TCF4: variants seen among roughly 807,000 people sequenced by gnomAD.
TCF4 encodes the protein transcription factor 4, also known as SL3-3 enhancer factor 2.
Under a neutral mutation model 82.1 loss-of-function variants are expected in TCF4, and 3 were observed. The ratio of observed to expected loss-of-function variants is 0.04; its 90% CI spans 0.02 to 0.09. The LOEUF is 0.09. TCF4 is among the 10% of genes least tolerant of loss of function. The probability of loss-of-function intolerance (pLI) is 1.00; values close to 1 mark genes in which losing one functional copy is unlikely to be tolerated. For missense variants in TCF4, 518 were observed against 852.7 expected (o/e 0.61, Z 4.89); for synonymous variants, 276 against 309.6 (o/e 0.89, Z 1.14).
At chr18:55,280,632 T>C (rs2062397414) in intron 8 of TCF4, among the ~76,000 whole-genome samples, 1 of 152,050 alleles carries the variant, frequency 6.6e-6, no homozygotes, top group Admixed American at 6.6e-5. Flanking sequence ...TTGATGAAAA[T>C]GGATACCTTC....
At chr18:55,470,070 G>A (rs2096139149) in intron 3 of TCF4, among the ~76,000 whole-genome samples, 2 of 152,114 alleles carry the variant, frequency 1.3e-5, no homozygotes, top group Non-Finnish European at 1.5e-5. Context: ...GAACAGAAGT[G>A]AAAACCCAAG....
intron 3 of TCF4, among the ~76,000 whole-genome samples, chr18:55,565,061 G>A (rs2097391154): frequency 6.6e-6 from 1 of 152,176 alleles, no homozygotes. Flanking sequence ...AACACTAGGA[G>A]AGGAAACTGT....
intron 3 of TCF4, chr18:55,510,658 T>C: frequency 6.7e-7 from 1 of 1,494,222 alleles, no homozygotes; most frequent in South Asian, 1.3e-5. Flanking sequence ...AAAATACTAC[T>C]TCGTAAACTT....
intron 6 of TCF4, among the ~76,000 whole-genome samples, chr18:55,369,321 C>A (rs1433378557): frequency 6.6e-6 from 1 of 152,172 alleles, no homozygotes; most frequent in Non-Finnish European, 1.5e-5. Context: ...CATTTTGTCT[C>A]TTTCTCAGTG....
intron 6 of TCF4, 37 bp from the exon 7 acceptor site, chr18:55,351,040 T>C: frequency 1.2e-6 from 2 of 1,612,358 alleles, no homozygotes; most frequent in East Asian, 4.5e-5. Flanking sequence ...CATATAAGGT[T>C]AATTTTTTAC....
At chr18:55,413,700 G>A (rs1397698564) in intron 5 of TCF4, among the ~76,000 whole-genome samples, 3 of 152,090 alleles carry the variant, frequency 2.0e-5, no homozygotes, top group Non-Finnish European at 4.4e-5. Flanking sequence ...GAGAGGCAGA[G>A]GGAAGGATGA....
chr18:55,394,234 C>A (rs2093351915), intron 6 of TCF4, among the ~76,000 whole-genome samples: 1 of 152,198 alleles, frequency 6.6e-6, no homozygotes, highest in South Asian at 2.1e-4. Context: ...TCAGGATATT[C>A]TGTGTGCTTG....
At chr18:55,426,867 C>T (rs797011651) in intron 5 of TCF4, among the ~76,000 whole-genome samples, 18 of 152,222 alleles carry the variant, frequency 1.2e-4, no homozygotes, top group African/African-American at 4.1e-4. Context: ...CAAAGACACA[C>T]ACACACACTC....
chr18:55,284,070 C>A (rs990382119), intron 8 of TCF4, among the ~76,000 whole-genome samples: 1 of 152,116 alleles, frequency 6.6e-6, no homozygotes, highest in African/African-American at 2.4e-5. Context: ...ATACTTGGGT[C>A]ATAGTTTATA....
At chr18:55,534,531 T>C (rs1434458582) in intron 3 of TCF4, among the ~76,000 whole-genome samples, 1 of 114,386 alleles carries the variant, frequency 8.7e-6, no homozygotes, top group African/African-American at 2.6e-5. Context: ...AAGCTTAGGC[T>C]TCTGACCACT....
At chr18:55,504,916 T>C (rs1013190500) in intron 3 of TCF4, among the ~76,000 whole-genome samples, 1 of 152,102 alleles carries the variant, frequency 6.6e-6, no homozygotes, top group Admixed American at 6.6e-5. Flanking sequence ...AGAAAGGCAA[T>C]GGCTTTAAAA....
intron 9 of TCF4, among the ~76,000 whole-genome samples, chr18:55,276,195 A>T (rs2061472049): frequency 6.6e-6 from 1 of 152,208 alleles, no homozygotes; most frequent in African/African-American, 2.4e-5. Flanking sequence ...ATTTTAAAAA[A>T]TCTCAGATTG....
At chr18:55,237,664 G>A (rs1160933589) in intron 15 of TCF4, among the ~76,000 whole-genome samples, 1 of 151,886 alleles carries the variant, frequency 6.6e-6, no homozygotes, top group African/African-American at 2.4e-5. Flanking sequence ...GACTCCCCTT[G>A]TGTCTATTCC....
rs185426619 is a variant in TCF4, at chr18:55,245,289, G to T, written c.1350+9208C>A. Among the ~76,000 whole-genome samples, 39 of 152,216 alleles carry T rather than the reference G, an allele frequency of 2.6e-4. 1 individual carries two copies. The East Asian group carries it at 6.4e-3, about 25-fold the overall frequency. Reference sequence around the variant, plus strand: ...TAATAAAAGTTAAAATAACACAACGGCCATGGAATGTGAAAAAATATAAAA... The same window carrying T: ...TAATAAAAGTTAAAATAACACAACGTCCATGGAATGTGAAAAAATATAAAA... On this transcript the variant is annotated intron_variant, in intron 15 of 19. Coordinates refer to ENST00000354452, the MANE Select transcript of TCF4 (RefSeq NM_001083962.2).
intron 2 of TCF4, among the ~76,000 whole-genome samples, chr18:55,626,392 A>G (rs913616127): frequency 6.6e-6 from 1 of 152,134 alleles, no homozygotes; most frequent in African/African-American, 2.4e-5. Flanking sequence ...TGAATACTAT[A>G]TCCTGTTGAA....
intron 3 of TCF4, among the ~76,000 whole-genome samples, chr18:55,534,907 G>A (rs2097101869): frequency 6.6e-6 from 1 of 152,190 alleles, no homozygotes; most frequent in Non-Finnish European, 1.5e-5. Flanking sequence ...ATGAATGAAT[G>A]AGAAAAACTA....
At chr18:55,353,725 A>C (rs1310951238) in intron 6 of TCF4, among the ~76,000 whole-genome samples, 1 of 152,106 alleles carries the variant, frequency 6.6e-6, no homozygotes, top group African/African-American at 2.4e-5. Context: ...TGGCTGAAAA[A>C]CCTGAGTTTA....
intron 3 of TCF4, among the ~76,000 whole-genome samples, chr18:55,474,216 A>G (rs1173993558): frequency 6.6e-6 from 1 of 152,170 alleles, no homozygotes; most frequent in Non-Finnish European, 1.5e-5. Context: ...GGGAAAATCT[A>G]TTTTACTCCA....
At chr18:55,634,808 C>T (rs1194475154) in intron 1 of TCF4, among the ~76,000 whole-genome samples, 6 of 151,974 alleles carry the variant, frequency 3.9e-5, no homozygotes, top group African/African-American at 1.5e-4. Context: ...ATGTTAATTA[C>T]GTAGAAGTGA....
Sources: allele counts gnomAD v4.1 joint callset (sites outside exome capture counted in the v4.1 genomes callset), GRCh38; gene constraint gnomAD v4.1.1; transcripts MANE v1.5; gene names NCBI Gene and HGNC (gene_info 2026-07-23, HGNC 2026-07-21).